The following FMN1 variants were observed in gnomAD, a reference collection of about 807,000 sequenced individuals.
FMN1 encodes formin 1.
A neutral mutation model predicts 132.4 loss-of-function variants in FMN1; 110 were observed. That is an observed-to-expected ratio of 0.83 (90% CI 0.71 to 0.97). The LOEUF (loss-of-function observed/expected upper bound fraction) is 0.97. FMN1 is among the 50% of genes least tolerant of loss of function. The pLI, the probability that FMN1 is intolerant of heterozygous loss-of-function variation, is 0.00. For missense variants in FMN1, 1,792 were observed against 1,705.3 expected, an observed-to-expected ratio of 1.05 and a Z score of -0.90; for synonymous variants, 722 against 651.7, an observed-to-expected ratio of 1.11 and a Z score of -1.64.
intron 17 of FMN1, among the ~76,000 whole-genome samples, chr15:32,819,019 C>A (rs2058133559): frequency 6.6e-6 from 1 of 151,512 alleles, no homozygotes; most frequent in Non-Finnish European, 1.5e-5. Context: ...GGGATGATAA[C>A]AATGATTTAT....
intron 2 of FMN1, among the ~76,000 whole-genome samples, chr15:33,187,887 A>G (rs1965941361): frequency 6.6e-6 from 1 of 152,066 alleles, no homozygotes; most frequent in African/African-American, 2.4e-5. Flanking sequence ...GTAGATGGAG[A>G]CTCTTATCTG....
At chr15:33,032,491 T>C (rs575755705) in intron 6 of FMN1, among the ~76,000 whole-genome samples, 1 of 152,374 alleles carries the variant, frequency 6.6e-6, no homozygotes, top group Non-Finnish European at 1.5e-5. Flanking sequence ...TTGTATTTTC[T>C]AATTTTTCTA....
intron 9 of FMN1, among the ~76,000 whole-genome samples, chr15:32,946,243 C>A (rs551310819): frequency 1.3e-5 from 2 of 152,120 alleles, no homozygotes; most frequent in African/African-American, 4.8e-5. Flanking sequence ...GAAGCAAGTG[C>A]GTATCATACA....
intron 17 of FMN1, among the ~76,000 whole-genome samples, chr15:32,851,692 A>G (rs551652796): frequency 1.3e-5 from 2 of 152,372 alleles, no homozygotes; most frequent in African/African-American, 4.8e-5. Flanking sequence ...AGTTTTGTCA[A>G]ATAACACTAT....
chr15:32,927,131 A>T (rs1232664037), intron 9 of FMN1, among the ~76,000 whole-genome samples: 1 of 152,216 alleles, frequency 6.6e-6, no homozygotes, highest in Non-Finnish European at 1.5e-5. Flanking sequence ...TGACTATATG[A>T]AAAGCACTTA....
At chr15:33,004,739 CTA>C (rs2034317213) in intron 7 of FMN1, among the ~76,000 whole-genome samples, 1 of 152,086 alleles carries the variant, frequency 6.6e-6, no homozygotes, top group Non-Finnish European at 1.5e-5. Context: ...ACATGCACAC[CTA>C]TGTTTATTGT....
In FMN1 at chr15:32,821,202, A is replaced by G. The variant is rs565332404; in HGVS notation, c.3929-16870T>C. On this transcript the variant is annotated intron_variant, in intron 17 of 20. Coordinates refer to ENST00000616417, the MANE Select transcript of FMN1 (RefSeq NM_001277313.2). ...TTGTCTTGTCCTCTCTCAGGTTTAA[A>G]TGAGTCATTTCTTTTTCCTTTCAGC... Among the ~76,000 whole-genome samples the G allele has an allele frequency of 1.3e-3, 195 of 152,048 alleles. 1 individual carries two copies. Among genetic ancestry groups the G allele is most frequent in the African/African-American group, 4.6e-3 (190 of 41,508 alleles).
intron 4 of FMN1, among the ~76,000 whole-genome samples, chr15:33,090,154 T>TAAAGGTTTAGGCA (rs1422700756): frequency 2.0e-5 from 3 of 152,174 alleles, no homozygotes; most frequent in Non-Finnish European, 4.4e-5. Context: ...AGGCAGAAGT[T>TAAAGGTTTAGGCA]AAAGGTTTAG....
intron 4 of FMN1, among the ~76,000 whole-genome samples, chr15:33,122,550 A>C (rs140785616): frequency 2.6e-5 from 4 of 152,348 alleles, no homozygotes; most frequent in Non-Finnish European, 5.9e-5. Flanking sequence ...CAGGATAAAC[A>C]ACCAGGCCAA....
At chr15:33,162,411 C>T (rs1428670462) in intron 3 of FMN1, among the ~76,000 whole-genome samples, 1 of 150,474 alleles carries the variant, frequency 6.6e-6, no homozygotes, top group Non-Finnish European at 1.5e-5. Flanking sequence ...TATCAAAGAA[C>T]AAATCAGAGG....
intron 4 of FMN1, among the ~76,000 whole-genome samples, chr15:33,115,499 C>G (rs868325071): frequency 1.9e-4 from 28 of 143,712 alleles, no homozygotes; most frequent in East Asian, 1.0e-3. Flanking sequence ...AAGCCCCCCC[C>G]CCCCACACAC....
At chr15:33,128,823 A>G (rs1261493779) in intron 4 of FMN1, among the ~76,000 whole-genome samples, 2 of 152,224 alleles carry the variant, frequency 1.3e-5, no homozygotes, top group East Asian at 1.9e-4. Context: ...CAAAATAACA[A>G]AGCCTCCGCA....
Position 33,153,836 on chromosome 15 carries a change from G to A in FMN1, c.1079C>T (p.Ala360Val), listed in dbSNP as rs1442289111. 2 of 1,536,518 alleles carry A rather than the reference G, an allele frequency of 1.3e-6. No individual in the cohort carries two copies. The highest frequency in any genetic ancestry group is 2.4e-5 in the South Asian group (2 of 84,066). Residue 360 changes from alanine (A) to valine (V), a missense_variant, in exon 4 of 21, where the codon GCC becomes GTC. Transcript: ENST00000616417. The stretch of plus-strand genomic sequence containing the variant: ...GGCTTTGGGTACAAACTCAGCGTGG[G>A]CTGCTGGGCGAATGGCAATCGTCTC... ...GKETIAIRPA[A>V]HAEFVPKADL... is the part of the protein sequence containing the mutation.
At chr15:32,855,271 A>C (rs1449842877) in intron 17 of FMN1, among the ~76,000 whole-genome samples, 1 of 152,134 alleles carries the variant, frequency 6.6e-6, no homozygotes, top group African/African-American at 2.4e-5. Flanking sequence ...AAGATTTTAA[A>C]AAATCTCCTA....
At chr15:32,800,204 C>G (rs911155203) in intron 18 of FMN1, among the ~76,000 whole-genome samples, 1 of 152,156 alleles carries the variant, frequency 6.6e-6, no homozygotes, top group Non-Finnish European at 1.5e-5. Context: ...AGCTCTGAGT[C>G]CCATAAATTC....
intron 16 of FMN1, among the ~76,000 whole-genome samples, chr15:32,874,654 C>G (rs189458052): frequency 1.4e-4 from 21 of 152,254 alleles, no homozygotes; most frequent in African/African-American, 4.3e-4. Flanking sequence ...GAAGAGAAAT[C>G]AGAAGTAGGA....
chr15:33,106,502 G>A (rs2039493829), intron 4 of FMN1, among the ~76,000 whole-genome samples: 1 of 151,864 alleles, frequency 6.6e-6, no homozygotes, highest in African/African-American at 2.4e-5. Context: ...ATCATCTCAT[G>A]GAACTTCTCA....
At chr15:33,121,177 A>ATT (rs1962520327) in intron 4 of FMN1, among the ~76,000 whole-genome samples, 1 of 152,238 alleles carries the variant, frequency 6.6e-6, no homozygotes, top group Admixed American at 6.5e-5. Flanking sequence ...CAACAACAAC[A>ATT]AAAAATTAAA....
chr15:33,111,378 G>A (rs996732824), intron 4 of FMN1, among the ~76,000 whole-genome samples: 1 of 152,116 alleles, frequency 6.6e-6, no homozygotes, highest in Admixed American at 6.6e-5. Flanking sequence ...ATTGCTGGTG[G>A]GAGCCTAAAA....
Sources: gnomAD v4.1 joint callset for allele counts (sites outside exome capture counted in the v4.1 genomes callset) on GRCh38, gnomAD v4.1.1 for gene constraint, MANE v1.5 for transcripts, NCBI Gene and HGNC (gene_info 2026-07-23, HGNC 2026-07-21) for gene names.